ABCA4: variants seen among roughly 807,000 people sequenced by gnomAD.
The protein encoded by ABCA4 is retinal-specific phospholipid-transporting ATPase ABCA4.
ABCA4 carries 196 observed loss-of-function variants against 263.7 expected under a neutral mutation model. That is an observed-to-expected ratio of 0.74 (90% CI 0.66 to 0.84). The LOEUF (loss-of-function observed/expected upper bound fraction) is 0.84, where lower values mean the gene tolerates loss of function less well. Ranked by LOEUF, ABCA4 falls within the 40% of genes least tolerant of loss-of-function variation. ABCA4 has a pLI of 0.00. For synonymous variants in ABCA4, 1,133 were observed against 1,094.2 expected, an observed-to-expected ratio of 1.04 and a Z score of -0.70; for missense variants, 2,792 against 2,855.1, an observed-to-expected ratio of 0.98 and a Z score of 0.50.
intron 4 of ABCA4, among the ~76,000 whole-genome samples, chr1:94,107,861 A>T (rs1457800408): frequency 6.6e-6 from 1 of 151,958 alleles, no homozygotes; most frequent in Non-Finnish European, 1.5e-5. Flanking sequence ...TCAATCACTT[A>T]AACAGGGTCA....
At chr1:94,005,650 G>A (rs1659358712) in intron 43 of ABCA4, 68 bp from the exon 44 acceptor site, 3 of 1,524,174 alleles carry the variant, frequency 2.0e-6, no homozygotes, top group Non-Finnish European at 2.7e-6. Context: ...AGCTAGGGCT[G>A]GAGAAGCTTC....
intron 6 of ABCA4, among the ~76,000 whole-genome samples, chr1:94,085,668 G>C (rs1661809001): frequency 6.6e-6 from 1 of 152,160 alleles, no homozygotes; most frequent in South Asian, 2.1e-4. Context: ...CTCCAGAAGA[G>C]AAGGCCATTA....
At chr1:94,005,214 AT>A (rs1194190938) in intron 44 of ABCA4, among the ~76,000 whole-genome samples, 1 of 152,184 alleles carries the variant, frequency 6.6e-6, no homozygotes, top group African/African-American at 2.4e-5. Flanking sequence ...TGCATACAAC[AT>A]TTTGTTAGAT....
At chr1:94,108,208 T>A (rs1156893223) in intron 4 of ABCA4, among the ~76,000 whole-genome samples, 1 of 152,240 alleles carries the variant, frequency 6.6e-6, no homozygotes, top group African/African-American at 2.4e-5. Context: ...TGTTCCTGGT[T>A]AGCTCTCGCT....
Position 94,063,128 on chromosome 1 carries a change from T to C in ABCA4, c.1744A>G (p.Asn582Asp), listed in dbSNP as rs1181535777. 1 of 1,613,754 alleles carries C rather than the reference T, an allele frequency of 6.2e-7. No individual in the cohort carries two copies. Among genetic ancestry groups the C allele is most frequent in the Non-Finnish European group, 8.5e-7 (1 of 1,179,898 alleles). Residue 582 changes from asparagine (N) to aspartate (D), a missense_variant, in exon 12 of 50, where the codon AAT (asparagine) becomes GAT (aspartate). Physicochemically the swap from Asn to Asp is conservative, Grantham distance 23 (BLOSUM62 1). Coordinates refer to ENST00000370225, the MANE Select transcript of ABCA4 (RefSeq NM_000350.3). ...AAACATCACCTGTCTTTAATCTTAT[T>C]GGTTTTCTCCACCACGTCTATGTCC... ...RMDIDVVEKT[N>D]KIKDRYWDSG...
At chr1:94,011,530 G>A in intron 38 of ABCA4, 145 bp from the exon 39 acceptor site, 1 of 1,351,418 alleles carries the variant, frequency 7.4e-7, no homozygotes, top group Non-Finnish European at 1.0e-6. Flanking sequence ...GCCACTGGAG[G>A]GATTTGTCCA....
chr1:94,062,490 G>A, intron 13 of ABCA4, 87 bp downstream of exon 13: 1 of 1,523,736 alleles, frequency 6.6e-7, no homozygotes, highest in Non-Finnish European at 9.0e-7. Context: ...AGACATGGAA[G>A]CCTTGAGGGC....
chr1:94,062,529 C>T, intron 13 of ABCA4, 48 bp downstream of exon 13: 1 of 1,605,960 alleles, frequency 6.2e-7, no homozygotes, highest in African/African-American at 1.3e-5. Flanking sequence ...CCCACTCCAG[C>T]ACCCCCATTA....
chr1:94,041,076 G>A, intron 23 of ABCA4, 133 bp downstream of exon 23: 2 of 948,828 alleles, frequency 2.1e-6, no homozygotes, highest in South Asian at 2.7e-5. Flanking sequence ...GAAATCTTCT[G>A]CAAATGGTCC....
rs543182706 is a variant in ABCA4, at chr1:93,998,186, C to T, written c.6480-76G>A. On this transcript the variant is annotated intron_variant, in intron 47 of 49. Transcript: ENST00000370225. ...AGGTAATCCCAAAATAAGGAGTAGACTCATCAGAAATTTTGGGGATTAAGC... is the reference window on the plus strand; with the variant it reads ...AGGTAATCCCAAAATAAGGAGTAGATTCATCAGAAATTTTGGGGATTAAGC... The T allele has an allele frequency of 2.4e-5, 38 of 1,606,340 alleles. No homozygotes were observed. The African/African-American group carries it at 3.9e-4, about 16-fold the overall frequency.
chr1:94,098,078 T>G (rs895488544), intron 6 of ABCA4, among the ~76,000 whole-genome samples: 4 of 151,804 alleles, frequency 2.6e-5, no homozygotes, highest in South Asian at 4.2e-4. Flanking sequence ...TTTATGCACT[T>G]TGCAGTGTGA....
intron 11 of ABCA4, among the ~76,000 whole-genome samples, chr1:94,076,559 A>C (rs980232559): frequency 3.5e-5 from 5 of 141,570 alleles, no homozygotes; most frequent in African/African-American, 1.2e-4. Context: ...CCAAGAGGTC[A>C]TGGAATGGGA....
At chr1:94,037,718 A>G (rs1660382176) in intron 24 of ABCA4, among the ~76,000 whole-genome samples, 1 of 152,158 alleles carries the variant, frequency 6.6e-6, no homozygotes, top group African/African-American at 2.4e-5. Context: ...GACTTTCCTC[A>G]TCTGTGAAAA....
intron 6 of ABCA4, among the ~76,000 whole-genome samples, chr1:94,087,755 G>A (rs899633262): frequency 6.6e-6 from 1 of 152,192 alleles, no homozygotes; most frequent in Non-Finnish European, 1.5e-5. Context: ...GTTACTCACA[G>A]CCAGGTGCAG....
intron 27 of ABCA4, 138 bp downstream of exon 27, chr1:94,031,639 CA>C: frequency 8.3e-7 from 1 of 1,202,294 alleles, no homozygotes; most frequent in Admixed American, 2.0e-5. Context: ...GTTTGGAAAG[CA>C]GGAAACAAAA....
chr1:94,032,109 T>A, intron 26 of ABCA4, 66 bp from the exon 27 acceptor site: 1 of 1,589,246 alleles, frequency 6.3e-7, no homozygotes, highest in Non-Finnish European at 8.5e-7. Flanking sequence ...TAATGCCATT[T>A]TTTTTTTCCC....
At chr1:94,051,918 A>G (rs1660851872) in intron 16 of ABCA4, among the ~76,000 whole-genome samples, 1 of 152,248 alleles carries the variant, frequency 6.6e-6, no homozygotes, top group Admixed American at 6.5e-5. Flanking sequence ...TATAAGCAAC[A>G]GCAAGACCAA....
At chr1:94,108,787 T>C in intron 3 of ABCA4, 71 bp from the exon 4 acceptor site, 1 of 462,586 alleles carries the variant, frequency 2.2e-6, no homozygotes, top group East Asian at 1.1e-4. Context: ...TCTCATGCTA[T>C]TTTTTTTTTT....
intron 30 of ABCA4, among the ~76,000 whole-genome samples, chr1:94,026,756 A>T (rs1167268338): frequency 1.3e-5 from 2 of 152,252 alleles, no homozygotes; most frequent in Non-Finnish European, 1.5e-5. Flanking sequence ...AAAGAATGTT[A>T]GAGCAGGGAG....
Sources: allele counts gnomAD v4.1 joint callset (sites outside exome capture counted in the v4.1 genomes callset), GRCh38; gene constraint gnomAD v4.1.1; transcripts MANE v1.5; gene names NCBI Gene and HGNC (gene_info 2026-07-23, HGNC 2026-07-21).